PPP6R2: variants seen among roughly 807,000 people sequenced by gnomAD.
The protein encoded by PPP6R2 is serine/threonine-protein phosphatase 6 regulatory subunit 2.
A neutral mutation model predicts 100.2 loss-of-function variants in PPP6R2; 62 were observed. That is an observed-to-expected ratio of 0.62 (90% CI 0.50 to 0.76). The LOEUF (loss-of-function observed/expected upper bound fraction) is 0.76, where lower values mean the gene tolerates loss of function less well. PPP6R2 is among the 30% of genes least tolerant of loss of function. The pLI is 0.00. For missense variants in PPP6R2, 1,142 were observed against 1,276.3 expected, an observed-to-expected ratio of 0.89 and a Z score of 1.60; for synonymous variants, 525 against 514.7, an observed-to-expected ratio of 1.02 and a Z score of -0.27.
chr22:50,421,649 G>A (rs1049503552), intron 8 of PPP6R2, among the ~76,000 whole-genome samples: 1 of 152,146 alleles, frequency 6.6e-6, no homozygotes, highest in Non-Finnish European at 1.5e-5. Context: ...AGTGGCTCAC[G>A]CTTGTAATCC....
the PPP6R2 span, among the ~76,000 whole-genome samples, chr22:50,336,373 T>C: frequency 6.6e-6 from 1 of 152,002 alleles, no homozygotes; most frequent in Non-Finnish European, 1.5e-5. Flanking sequence ...GCAGGGTCAT[T>C]ATTTTATTTT....
At chr22:50,338,152 T>A in the PPP6R2 span, among the ~76,000 whole-genome samples, 2 of 141,742 alleles carry the variant, frequency 1.4e-5, no homozygotes, top group South Asian at 2.3e-4. Context: ...GTGTGTGTGG[T>A]ATGTGTGTGC....
chr22:50,368,694 T>G (rs1231343185), intron 1 of PPP6R2, among the ~76,000 whole-genome samples: 2 of 152,070 alleles, frequency 1.3e-5, no homozygotes, highest in East Asian at 3.9e-4. Flanking sequence ...AGGTCTCACT[T>G]TGTCACCCAG....
At position 50,423,697 on chromosome 22, in the gene PPP6R2, G is replaced by A; in HGVS notation, c.1125+83G>A. ...GGACTTGTCAGGAGCAGCAGAGCAG[G>A]GCCCCAGCATTTGGACAAAGCTCTG... On this transcript the variant is annotated intron_variant, in intron 10 of 23. Coordinates refer to ENST00000612753, the MANE Select transcript of PPP6R2 (RefSeq NM_001242898.2). The surrounding 1 kb of genome is among the most constrained non-coding windows in gnomAD (Gnocchi z 4.8). 1 of 1,529,830 alleles carries A rather than the reference G, an allele frequency of 6.5e-7. No individual in the cohort carries two copies. Among genetic ancestry groups the A allele is most frequent in the South Asian group, 1.2e-5 (1 of 85,824 alleles). 94.8% of individuals were successfully genotyped at this position (1,529,830 alleles called of 1,614,324 possible).
intron 1 of PPP6R2, among the ~76,000 whole-genome samples, chr22:50,367,452 G>A (rs2048994315): frequency 6.6e-6 from 1 of 152,124 alleles, no homozygotes; most frequent in South Asian, 2.1e-4. Flanking sequence ...GTAGGAGGCT[G>A]TGATGTTGCC....
At chr22:50,348,091 T>C (rs2044181557) in intron 1 of PPP6R2, among the ~76,000 whole-genome samples, 2 of 151,962 alleles carry the variant, frequency 1.3e-5, no homozygotes, top group South Asian at 4.2e-4. Context: ...GGGTGTGATA[T>C]CCTCCAGGAA....
chr22:50,410,595 T>G (rs901291235), intron 4 of PPP6R2, among the ~76,000 whole-genome samples: 3 of 149,214 alleles, frequency 2.0e-5, no homozygotes, highest in Non-Finnish European at 3.0e-5. Context: ...TCATGGATTC[T>G]CGTGCCTCAG....
At chr22:50,437,760 T>A in intron 16 of PPP6R2, 83 bp from the exon 17 acceptor site, 1 of 1,490,266 alleles carries the variant, frequency 6.7e-7, no homozygotes, top group Non-Finnish European at 9.2e-7. Flanking sequence ...AGGCCCCCGA[T>A]GAGCACCGGG....
At chr22:50,435,930 A>C (rs554317879) in intron 13 of PPP6R2, among the ~76,000 whole-genome samples, 1 of 152,312 alleles carries the variant, frequency 6.6e-6, no homozygotes, top group African/African-American at 2.4e-5. Context: ...CTCCCCGGAA[A>C]AACAGGCAGG....
At chr22:50,360,341 A>G (rs28579250) in intron 1 of PPP6R2, among the ~76,000 whole-genome samples, 34,075 of 147,562 alleles carry the variant, frequency 0.23, 5,952 homozygotes, top group African/African-American at 0.49. Flanking sequence ...GTGAGCCACC[A>G]TGCTCAGCCT....
At chr22:50,335,678 AT>A in the PPP6R2 span, among the ~76,000 whole-genome samples, 1,429 of 128,800 alleles carry the variant, frequency 0.011, 93 homozygotes, top group African/African-American at 0.034. Context: ...CACCCAACTA[AT>A]TTTTTTTTTT....
chr22:50,432,058 G>A (rs1188390626), intron 11 of PPP6R2, among the ~76,000 whole-genome samples: 5 of 152,134 alleles, frequency 3.3e-5, no homozygotes, highest in Non-Finnish European at 5.9e-5. Context: ...TCTTTAGGGC[G>A]CTCAGCAGTA....
the PPP6R2 span, among the ~76,000 whole-genome samples, chr22:50,333,813 C>T: frequency 3.9e-5 from 6 of 152,140 alleles, no homozygotes; most frequent in South Asian, 8.3e-4. Context: ...ACATGGAGAC[C>T]GGTAGTGGCC....
chr22:50,381,907 CAAAAAAAAAA>C (rs369812450), intron 2 of PPP6R2, among the ~76,000 whole-genome samples: 2 of 95,756 alleles, frequency 2.1e-5, no homozygotes, highest in African/African-American at 8.0e-5. Context: ...GACTCCGTCT[CAAAAAAAAAA>C]AAAAGAAAAA....
chr22:50,331,260 G>A, the PPP6R2 span, among the ~76,000 whole-genome samples: 9 of 151,934 alleles, frequency 5.9e-5, no homozygotes, highest in African/African-American at 1.9e-4. Flanking sequence ...TCATGCTGCT[G>A]TGACATTTGT....
In PPP6R2 at chr22:50,440,047, C is replaced by T. The variant is rs2065227041; in HGVS notation, c.2372C>T (p.Ala791Val). 5 of 1,611,778 alleles carry T rather than the reference C, an allele frequency of 3.1e-6. No individual in the cohort carries two copies. The highest frequency in any genetic ancestry group is 2.5e-6 in the Non-Finnish European group (3 of 1,178,882). ...EGSRSQGPEKAFSPASPCAWN... is the reference protein window; with the variant it reads ...EGSRSQGPEKVFSPASPCAWN... ...AGCCGGAGCCAAGGCCCTGAGAAAG[C>T]CTGTGAGTAGGAGCAGTGCAGGCGG... The change falls in exon 21 of 24, where the codon GCC becomes GTC. Residue 791 changes from alanine to valine, a missense_variant and splice_region_variant. Around this residue, in one of 2 missense-constraint regions of PPP6R2, gnomAD observed 550 missense variants for 517.4 expected, o/e 1.06. Transcript: ENST00000612753.
chr22:50,350,463 TC>T (rs371123567), intron 1 of PPP6R2, among the ~76,000 whole-genome samples: 12,528 of 151,772 alleles, frequency 0.083, 1,416 homozygotes, highest in African/African-American at 0.26. Context: ...ACTCCTGACT[TC>T]AGGTGATCTG....
chr22:50,431,313 G>GA lies in PPP6R2; in HGVS notation c.1268dup (p.Asn423LysfsTer17). Reference sequence around the variant, plus strand: ...AGAGCAGGGTGGAGCCTCCGCATGAGAACGGGAACCGGAGCCTGGAGACTC... The same window carrying GA: ...AGAGCAGGGTGGAGCCTCCGCATGAGAAACGGGAACCGGAGCCTGGAGACTC... On this transcript the variant is annotated frameshift_variant, in exon 11 of 24. Transcript: ENST00000612753. LOFTEE classifies it high-confidence loss of function. The surrounding 1 kb of genome is among the most constrained non-coding windows in gnomAD (Gnocchi z 4.8). The GA allele has an allele frequency of 6.2e-7, 1 of 1,613,330 alleles. No homozygotes were observed. The highest frequency in any genetic ancestry group is 8.5e-7 in the Non-Finnish European group (1 of 1,180,028).
chr22:50,339,792 T>TG (rs781018054), upstream of PPP6R2, among the ~76,000 whole-genome samples: 47 of 105,418 alleles, frequency 4.5e-4, 1 homozygote, highest in African/African-American at 2.1e-3. Context: ...GTGTGTGGTG[T>TG]GTGTGGGGTA....
Sources: allele counts gnomAD v4.1 joint callset (sites outside exome capture counted in the v4.1 genomes callset), GRCh38; gene constraint gnomAD v4.1.1; regional missense constraint gnomAD v4.1.1; non-coding constraint Gnocchi (gnomAD v3.1); transcripts MANE v1.5; gene names NCBI Gene and HGNC (gene_info 2026-07-23, HGNC 2026-07-21).